The following PLCB4 variants were observed in gnomAD, a reference collection of about 807,000 sequenced individuals.
PLCB4 encodes 1-phosphatidylinositol 4,5-bisphosphate phosphodiesterase beta-4.
In PLCB4, 77 loss-of-function variants were observed where a neutral mutation model predicts 178.8. The ratio of observed to expected loss-of-function variants is 0.43; its 90% CI spans 0.36 to 0.52. The LOEUF is 0.52. PLCB4 is among the 20% of genes least tolerant of loss of function. The pLI is 0.00. For missense variants in PLCB4, 1,024 were observed against 1,453.4 expected, an observed-to-expected ratio of 0.70 and a Z score of 4.80; for synonymous variants, 496 against 490.8, an observed-to-expected ratio of 1.01 and a Z score of -0.14.
intron 3 of PLCB4, among the ~76,000 whole-genome samples, chr20:9,250,806 T>C (rs1426504211): frequency 6.6e-6 from 1 of 152,230 alleles, no homozygotes; most frequent in East Asian, 1.9e-4. Context: ...GCATCATGAT[T>C]TGTAGGCCAT....
chr20:9,412,876 A>G (rs2039954856), intron 25 of PLCB4, among the ~76,000 whole-genome samples: 1 of 151,912 alleles, frequency 6.6e-6, no homozygotes, highest in South Asian at 2.1e-4. Context: ...ATGGCTCCCT[A>G]CCCCTTTGAA....
intron 2 of PLCB4, among the ~76,000 whole-genome samples, chr20:9,155,478 C>G (rs1207272292): frequency 6.6e-6 from 1 of 152,088 alleles, no homozygotes. Flanking sequence ...AGATTCAGGG[C>G]CTTTTTAGCT....
chr20:9,233,523 A>G (rs1033918213), intron 3 of PLCB4, among the ~76,000 whole-genome samples: 2 of 152,160 alleles, frequency 1.3e-5, no homozygotes, highest in African/African-American at 2.4e-5. Context: ...GGTAGAGGCT[A>G]TGGTAGGATA....
chr20:9,448,422 C>T (rs1457543749), intron 32 of PLCB4, among the ~76,000 whole-genome samples: 1 of 152,038 alleles, frequency 6.6e-6, no homozygotes, highest in African/African-American at 2.4e-5. Flanking sequence ...CCCAAACAGC[C>T]CTTGGTAGCT....
intron 29 of PLCB4, among the ~76,000 whole-genome samples, chr20:9,436,719 A>G (rs1455064186): frequency 6.6e-6 from 1 of 152,148 alleles, no homozygotes; most frequent in Non-Finnish European, 1.5e-5. Flanking sequence ...CTCCCATTCC[A>G]GTGCACACGT....
chr20:9,339,091 T>A, intron 7 of PLCB4, 54 bp downstream of exon 7: 1 of 1,377,208 alleles, frequency 7.3e-7, no homozygotes, highest in Admixed American at 2.1e-5. Context: ...ATATGTTGTG[T>A]GTTTAATTTT....
rs1164215400 is a variant in PLCB4 at position 9,233,744 on chromosome 20, G to A, written c.-16+16292G>A. Reference sequence around the variant, plus strand: ...ACTAACAGTGGCCAGTGGGGAGCAAGTGGTAGATTAAGTCAGAGGGGTAGA... The same window carrying A: ...ACTAACAGTGGCCAGTGGGGAGCAAATGGTAGATTAAGTCAGAGGGGTAGA... On this transcript the variant is annotated intron_variant, in intron 3 of 39. Coordinates refer to ENST00000378473, the MANE Select transcript of PLCB4 (RefSeq NM_001377142.1). Among the ~76,000 whole-genome samples, 3 of 152,286 alleles carry A rather than the reference G, an allele frequency of 2.0e-5. No homozygotes were observed. In the East Asian group the frequency reaches 5.8e-4, roughly 29 times the overall value.
intron 1 of PLCB4, among the ~76,000 whole-genome samples, chr20:9,082,030 A>G (rs6056393): frequency 2.1e-3 from 310 of 151,154 alleles, no homozygotes; most frequent in African/African-American, 6.6e-3. Context: ...ACATACTCAT[A>G]TTGTTTTTCC....
intron 2 of PLCB4, among the ~76,000 whole-genome samples, chr20:9,207,929 A>G (rs746345928): frequency 1.3e-5 from 2 of 152,204 alleles, no homozygotes. Flanking sequence ...AGAGATTTTC[A>G]TAGACTTGCT....
intron 4 of PLCB4, among the ~76,000 whole-genome samples, chr20:9,317,654 G>A (rs2094913457): frequency 6.6e-6 from 1 of 152,062 alleles, no homozygotes; most frequent in African/African-American, 2.4e-5. Context: ...GGAAATCTGG[G>A]GTCCCACTAG....
chr20:9,444,168 T>G lies in PLCB4; in HGVS notation c.2815-10T>G, dbSNP rs749961505. On this transcript the variant is annotated splice_polypyrimidine_tract_variant and intron_variant, in intron 31 of 39. Transcript: ENST00000378473. Reference sequence around the variant, plus strand: ...AAAAACCTATTTTTGATTCTATTTTTCTCCCAAAGGCTTACTTGAAGCATT... The same window carrying G: ...AAAAACCTATTTTTGATTCTATTTTGCTCCCAAAGGCTTACTTGAAGCATT... 9.5e-6 allele frequency: 15 copies of G among 1,579,438 alleles called. No homozygotes were observed. Among genetic ancestry groups the G allele is most frequent in the Middle Eastern group, 1.7e-4 (1 of 5,942 alleles).
At chr20:9,321,953 T>TTTTC (rs199986965) in intron 4 of PLCB4, among the ~76,000 whole-genome samples, 15 of 76,646 alleles carry the variant, frequency 2.0e-4, no homozygotes, top group African/African-American at 2.9e-4. Flanking sequence ...TTTCTTTTTC[T>TTTTC]TTTTTTTTTT....
intron 3 of PLCB4, among the ~76,000 whole-genome samples, chr20:9,271,244 C>T (rs2094399500): frequency 6.6e-6 from 1 of 152,128 alleles, no homozygotes; most frequent in South Asian, 2.1e-4. Context: ...CAGTGCTAAA[C>T]TTTCTCAGGC....
intron 7 of PLCB4, among the ~76,000 whole-genome samples, chr20:9,349,477 G>A (rs1288775897): frequency 6.6e-6 from 1 of 152,190 alleles, no homozygotes; most frequent in African/African-American, 2.4e-5. Flanking sequence ...CCCATGATCT[G>A]TGAGGTGGAT....
chr20:9,186,214 T>C (rs2093326503), intron 2 of PLCB4, among the ~76,000 whole-genome samples: 2 of 152,252 alleles, frequency 1.3e-5, no homozygotes. Context: ...TAACAAATCC[T>C]AAAGCCATTC....
At chr20:9,399,274 G>C (rs2038848995) in intron 19 of PLCB4, among the ~76,000 whole-genome samples, 1 of 152,172 alleles carries the variant, frequency 6.6e-6, no homozygotes, top group Non-Finnish European at 1.5e-5. Flanking sequence ...AAGTACCTAA[G>C]GACAGAATCA....
intron 3 of PLCB4, among the ~76,000 whole-genome samples, chr20:9,229,147 G>T (rs2093902831): frequency 6.6e-6 from 1 of 152,132 alleles, no homozygotes; most frequent in Non-Finnish European, 1.5e-5. Flanking sequence ...GTTCTTAAAG[G>T]TCATCCCATA....
At chr20:9,473,560 T>C (rs561608812) in intron 38 of PLCB4, among the ~76,000 whole-genome samples, 195 bp downstream of exon 38, 4 of 152,260 alleles carry the variant, frequency 2.6e-5, no homozygotes, top group Admixed American at 2.6e-4. Flanking sequence ...AGGAGCAGAA[T>C]CTGGCTGTGC....
At chr20:9,373,939 G>A (rs2036461621) in intron 12 of PLCB4, among the ~76,000 whole-genome samples, 1 of 152,098 alleles carries the variant, frequency 6.6e-6, no homozygotes, top group Admixed American at 6.6e-5. Flanking sequence ...ATAAGAGTTT[G>A]AGTGAAGGAT....
Sources: gnomAD v4.1 joint callset for allele counts (sites outside exome capture counted in the v4.1 genomes callset) on GRCh38, gnomAD v4.1.1 for gene constraint, MANE v1.5 for transcripts, NCBI Gene and HGNC (gene_info 2026-07-23, HGNC 2026-07-21) for gene names.